Variants in MAGI2 observed in about 807,000 individuals in gnomAD.
MAGI2 encodes membrane associated guanylate kinase, WW and PDZ domain containing 2, also known as membrane-associated guanylate kinase, WW and PDZ domain-containing protein 2.
Under a neutral mutation model 133.3 loss-of-function variants are expected in MAGI2, and 35 were observed. The ratio of observed to expected loss-of-function variants is 0.26; its 90% CI spans 0.20 to 0.35. MAGI2 has a LOEUF of 0.35. MAGI2 is among the 10% of genes least tolerant of loss of function. The pLI is 1.00. For synonymous variants in MAGI2, 729 were observed against 710.6 expected, an observed-to-expected ratio of 1.03 and a Z score of -0.41; for missense variants, 1,636 against 1,863.4, an observed-to-expected ratio of 0.88 and a Z score of 2.25.
chr7:78,179,721 T>C (rs1461949644), intron 13 of MAGI2, among the ~76,000 whole-genome samples: 2 of 152,212 alleles, frequency 1.3e-5, no homozygotes, highest in African/African-American at 4.8e-5. Flanking sequence ...CCACATCCTT[T>C]AGAAATTATA....
chr7:79,268,937 A>C (rs1834671813), intron 1 of MAGI2, among the ~76,000 whole-genome samples: 1 of 152,192 alleles, frequency 6.6e-6, no homozygotes, highest in African/African-American at 2.4e-5. Context: ...CACATCAAAT[A>C]ATGCCTTGTT....
At position 78,286,897 on chromosome 7, in the gene MAGI2, T is replaced by C. The variant is rs148772758; in HGVS notation, c.1409-30316A>G. 5.6e-4 allele frequency among the ~76,000 whole-genome samples: 85 copies of C among 152,210 alleles called. 1 individual carries two copies. The East Asian group carries it at 0.014, about 25-fold the overall frequency. On this transcript the variant is annotated intron_variant, in intron 9 of 21. Transcript: ENST00000354212. The stretch of plus-strand genomic sequence containing the variant: ...TATGTTGATATCAGAGCTTGTGGAT[T>C]TATACCCAAATAGACAAGTTTCATG...
At chr7:78,194,732 T>A in intron 12 of MAGI2, 142 bp downstream of exon 12, 1 of 580,292 alleles carries the variant, frequency 1.7e-6, no homozygotes, top group Non-Finnish European at 2.7e-6. Flanking sequence ...TCTAAGATAA[T>A]TTTAGACCAG....
At chr7:79,210,758 T>C (rs948103969) in intron 1 of MAGI2, among the ~76,000 whole-genome samples, 7 of 152,084 alleles carry the variant, frequency 4.6e-5, no homozygotes, top group African/African-American at 1.7e-4. Context: ...TGGGATGCAC[T>C]TCACATTTTC....
chr7:78,587,801 A>C (rs899105538), intron 3 of MAGI2, among the ~76,000 whole-genome samples: 1 of 152,272 alleles, frequency 6.6e-6, no homozygotes, highest in Non-Finnish European at 1.5e-5. Flanking sequence ...AGGCAATTTT[A>C]CCAACAAATA....
chr7:79,171,770 A>ATATATATATATATATTT, intron 1 of MAGI2, among the ~76,000 whole-genome samples: 19 of 31,222 alleles, frequency 6.1e-4, no homozygotes, highest in Non-Finnish European at 8.9e-4. Flanking sequence ...ATATATATAT[A>ATATATATATATATATTT]TTTTTTTTTT....
intron 6 of MAGI2, among the ~76,000 whole-genome samples, chr7:78,412,873 T>C (rs749083562): frequency 3.2e-4 from 49 of 152,110 alleles, no homozygotes; most frequent in Non-Finnish European, 5.9e-5. Flanking sequence ...CTTGATGATT[T>C]ATAAATTTCC....
At chr7:78,132,316 C>T (rs1821644085) in intron 18 of MAGI2, among the ~76,000 whole-genome samples, 1 of 152,254 alleles carries the variant, frequency 6.6e-6, no homozygotes, top group South Asian at 2.1e-4. Flanking sequence ...CCCTGCCAGC[C>T]TCCTGTCTGC....
chr7:79,010,488 A>G (rs1807968670), intron 1 of MAGI2, among the ~76,000 whole-genome samples: 1 of 152,136 alleles, frequency 6.6e-6, no homozygotes, highest in African/African-American at 2.4e-5. Flanking sequence ...AAAGTGTACA[A>G]TAAATGTTAT....
chr7:79,238,304 T>C (rs1160953044), intron 1 of MAGI2, among the ~76,000 whole-genome samples: 3 of 152,148 alleles, frequency 2.0e-5, no homozygotes, highest in Non-Finnish European at 4.4e-5. Context: ...TCATCAAATA[T>C]ATCTTCCTCT....
At chr7:78,933,966 CA>C (rs1293853245) in intron 2 of MAGI2, among the ~76,000 whole-genome samples, 1 of 152,074 alleles carries the variant, frequency 6.6e-6, no homozygotes, top group African/African-American at 2.4e-5. Context: ...ATACAGTGTA[CA>C]ATAACCTTTT....
Position 78,918,656 on chromosome 7 carries a change from C to A in MAGI2, c.418+88434G>T, listed in dbSNP as rs771166863. On this transcript the variant is annotated intron_variant, in intron 2 of 21. Transcript: ENST00000354212. ...CACAATAGATATCAACTTTGTATTA[C>A]ATTTTTGAAAAGGTTATATAACTAC... 3.3e-5 allele frequency among the ~76,000 whole-genome samples: 5 copies of A among 152,118 alleles called. No individual in the cohort carries two copies. In the East Asian group the frequency reaches 7.7e-4, roughly 23 times the overall value.
chr7:78,423,769 C>G (rs1346408155), intron 6 of MAGI2, among the ~76,000 whole-genome samples: 1 of 152,146 alleles, frequency 6.6e-6, no homozygotes, highest in African/African-American at 2.4e-5. Context: ...CATTTTGGCC[C>G]TGCCCTAGAG....
chr7:78,660,262 A>G (rs868254325), intron 2 of MAGI2, among the ~76,000 whole-genome samples: 1 of 152,174 alleles, frequency 6.6e-6, no homozygotes, highest in Admixed American at 6.5e-5. Context: ...CCTAGAACTT[A>G]AAGTATAATA....
chr7:78,949,347 C>T (rs555640530), intron 2 of MAGI2, among the ~76,000 whole-genome samples: 25 of 152,174 alleles, frequency 1.6e-4, no homozygotes, highest in Admixed American at 1.2e-3. Flanking sequence ...GGCAATGATA[C>T]AATTAATACC....
intron 6 of MAGI2, among the ~76,000 whole-genome samples, chr7:78,403,874 T>C (rs1463330142): frequency 6.6e-6 from 1 of 152,136 alleles, no homozygotes; most frequent in East Asian, 1.9e-4. Context: ...GAAGTCAAAT[T>C]GTCCCTGTTT....
At chr7:78,055,124 C>T (rs1377757625) in intron 21 of MAGI2, among the ~76,000 whole-genome samples, 1 of 152,066 alleles carries the variant, frequency 6.6e-6, no homozygotes, top group Non-Finnish European at 1.5e-5. Flanking sequence ...CATTTTCTAT[C>T]CAGTGTTAAA....
chr7:79,112,188 C>A (rs1397304956), intron 1 of MAGI2, among the ~76,000 whole-genome samples: 1 of 151,962 alleles, frequency 6.6e-6, no homozygotes, highest in Non-Finnish European at 1.5e-5. Flanking sequence ...CCGCCTACAT[C>A]TCTGAAAGAC....
intron 1 of MAGI2, among the ~76,000 whole-genome samples, chr7:79,274,163 A>C (rs1485223830): frequency 6.6e-6 from 1 of 152,158 alleles, no homozygotes; most frequent in Non-Finnish European, 1.5e-5. Context: ...AAATATTTAG[A>C]ACACAGTTAT....
Sources: allele counts gnomAD v4.1 joint callset (sites outside exome capture counted in the v4.1 genomes callset), GRCh38; gene constraint gnomAD v4.1.1; transcripts MANE v1.5; gene names NCBI Gene and HGNC (gene_info 2026-07-23, HGNC 2026-07-21).